INSC: variants seen among roughly 807,000 people sequenced by gnomAD.
INSC encodes INSC spindle orientation adaptor protein, also known as protein inscuteable homolog.
INSC carries 67 observed loss-of-function variants against 58.6 expected under a neutral mutation model. The ratio of observed to expected loss-of-function variants is 1.14; its 90% CI spans 0.94 to 1.40. The LOEUF (loss-of-function observed/expected upper bound fraction) is 1.40, where lower values mean the gene tolerates loss of function less well. Ranked by LOEUF, INSC falls within the 40% of genes most tolerant of loss-of-function variation. INSC has a pLI of 0.00. For synonymous variants in INSC, 262 were observed against 276.1 expected (o/e 0.95, Z 0.51); for missense variants, 714 against 692.0 (o/e 1.03, Z -0.36).
chr11:15,255,637 G>A, the INSC span, among the ~76,000 whole-genome samples: 1 of 152,146 alleles, frequency 6.6e-6, no homozygotes, highest in East Asian at 1.9e-4. Flanking sequence ...CTTTAACACA[G>A]TTTTTATTGG....
chr11:15,263,301 T>C, the INSC span, among the ~76,000 whole-genome samples: 2 of 152,104 alleles, frequency 1.3e-5, no homozygotes, highest in Non-Finnish European at 2.9e-5. Context: ...TATCTGAAGA[T>C]GTAAGGGCTC....
chr11:15,255,076 C>A, the INSC span, among the ~76,000 whole-genome samples: 4 of 152,174 alleles, frequency 2.6e-5, no homozygotes, highest in South Asian at 4.1e-4. Flanking sequence ...AAAGACTTTA[C>A]ATCTTGCCTA....
At chr11:15,268,573 T>C in the INSC span, among the ~76,000 whole-genome samples, 1 of 152,058 alleles carries the variant, frequency 6.6e-6, no homozygotes, top group African/African-American at 2.4e-5. Context: ...TTAAAACAAA[T>C]GAATTGAGAT....
In INSC at chr11:15,225,795, G is replaced by C; in HGVS notation, c.1137G>C (p.Lys379Asn). ...IRVLLEACSD[K>N]QRVDTPYTRD... Reference sequence around the variant, plus strand: ...TTCTCCTGGAAGCCTGCAGTGACAAGCAGAGAGTGGACACGCCTTACACTC... The same window carrying C: ...TTCTCCTGGAAGCCTGCAGTGACAACCAGAGAGTGGACACGCCTTACACTC... The change falls in exon 9 of 13, where the codon AAG becomes AAC. Residue 379 changes from lysine to asparagine, a missense_variant. Coordinates refer to ENST00000379556, the MANE Select transcript of INSC (RefSeq NM_001042536.3). 1.2e-6 allele frequency: 2 copies of C among 1,613,754 alleles called. No individual in the cohort carries two copies. Among genetic ancestry groups the C allele is most frequent in the Non-Finnish European group, 1.7e-6 (2 of 1,179,854 alleles).
intron 1 of INSC, among the ~76,000 whole-genome samples, chr11:15,116,837 C>CTTTA (rs1386489628): frequency 2.4e-5 from 1 of 42,460 alleles, no homozygotes; most frequent in Non-Finnish European, 4.3e-5. Flanking sequence ...TTCTTTCTTT[C>CTTTA]TTTCTTTCTT....
At chr11:15,235,175 G>A (rs1336171689) in intron 9 of INSC, 1 of 232,604 alleles carries the variant, frequency 4.3e-6, no homozygotes, top group Non-Finnish European at 8.8e-6. Flanking sequence ...CAGGAAAGAA[G>A]CTTGGATGGA....
rs138216211 is a variant in INSC at position 15,138,650 on chromosome 11, A to G, written c.-45-10480A>G. On this transcript the variant is annotated intron_variant, in intron 1 of 12. Coordinates refer to ENST00000379556, the MANE Select transcript of INSC (RefSeq NM_001042536.3). ...AGTCTGGATAGGAAATGGATCCTTCATTGCCACAAAGATGGATATCATAAA... is the reference window on the plus strand; with the variant it reads ...AGTCTGGATAGGAAATGGATCCTTCGTTGCCACAAAGATGGATATCATAAA... Among the ~76,000 whole-genome samples, 407 of 152,338 alleles carry G rather than the reference A, an allele frequency of 2.7e-3. 3 individuals carry two copies. The highest frequency in any genetic ancestry group is 8.6e-3 in the African/African-American group (357 of 41,580).
chr11:15,212,686 T>C (rs1589976090), intron 7 of INSC, among the ~76,000 whole-genome samples: 2 of 152,238 alleles, frequency 1.3e-5, no homozygotes, highest in East Asian at 3.8e-4. Context: ...AAGTTTGATA[T>C]TGTATCCAGT....
chr11:15,235,579 G>A, intron 9 of INSC, 23 bp from the exon 10 acceptor site: 1 of 1,601,844 alleles, frequency 6.2e-7, no homozygotes, highest in Non-Finnish European at 8.6e-7. Flanking sequence ...CATTTTCTGA[G>A]GTTTCTAAAT....
At chr11:15,192,280 G>A (rs574307690) in intron 6 of INSC, among the ~76,000 whole-genome samples, 2 of 152,322 alleles carry the variant, frequency 1.3e-5, no homozygotes, top group African/African-American at 4.8e-5. Context: ...AGAAAGCAGA[G>A]AAGGCACAAG....
the INSC span, among the ~76,000 whole-genome samples, chr11:15,262,237 TG>T: frequency 6.6e-6 from 1 of 151,886 alleles, no homozygotes; most frequent in Non-Finnish European, 1.5e-5. Context: ...TTGAAAACAA[TG>T]GAAAACAGTG....
In INSC at chr11:15,191,074, G is replaced by A. The variant is rs1254892171; in HGVS notation, c.693+260G>A. Among the ~76,000 whole-genome samples the A allele has an allele frequency of 1.0e-4, 15 of 150,118 alleles. No individual in the cohort carries two copies. In the East Asian group the frequency reaches 2.2e-3, roughly 22 times the overall value. On this transcript the variant is annotated intron_variant, in intron 6 of 12. Coordinates refer to ENST00000379556, the MANE Select transcript of INSC (RefSeq NM_001042536.3). ...CGGCTCACTGCAAGCTCTGCCTCCC[G>A]GGTTCACGCCATTCTCCTGCCTCAG...
At chr11:15,133,154 C>T (rs990642536) in intron 1 of INSC, among the ~76,000 whole-genome samples, 8 of 152,074 alleles carry the variant, frequency 5.3e-5, no homozygotes, top group African/African-American at 1.9e-4. Context: ...TGTTAGATCC[C>T]ATCACTCTAT....
At chr11:15,258,397 G>T in the INSC span, among the ~76,000 whole-genome samples, 1 of 152,170 alleles carries the variant, frequency 6.6e-6, no homozygotes, top group South Asian at 2.1e-4. Flanking sequence ...TTTAGAAACA[G>T]CCACTTTATT....
intron 8 of INSC, among the ~76,000 whole-genome samples, chr11:15,222,173 A>T (rs1435670364): frequency 6.6e-6 from 1 of 152,138 alleles, no homozygotes; most frequent in Non-Finnish European, 1.5e-5. Flanking sequence ...CTATTCAAAC[A>T]TATGTACCCC....
At chr11:15,177,000 C>T in intron 3 of INSC, 111 bp from the exon 4 acceptor site, 1 of 872,798 alleles carries the variant, frequency 1.1e-6, no homozygotes, top group Admixed American at 1.7e-5. Flanking sequence ...GCCTGTTCCC[C>T]AAGTCACATT....
upstream of INSC, among the ~76,000 whole-genome samples, chr11:15,113,574 C>G (rs1373330642): frequency 1.3e-5 from 2 of 152,196 alleles, no homozygotes; most frequent in Non-Finnish European, 2.9e-5. Context: ...CGGCACCAAG[C>G]CCTGTCCCCA....
intron 1 of INSC, among the ~76,000 whole-genome samples, chr11:15,141,238 T>A (rs1008454340): frequency 2.6e-5 from 4 of 152,270 alleles, no homozygotes; most frequent in African/African-American, 9.6e-5. Context: ...GATGGACATA[T>A]TTGTGTAGAT....
intron 2 of INSC, among the ~76,000 whole-genome samples, chr11:15,175,515 C>T (rs959409488): frequency 1.3e-5 from 2 of 152,152 alleles, no homozygotes; most frequent in African/African-American, 4.8e-5. Flanking sequence ...ACATAATTAC[C>T]TGTTGCTTGT....
Sources: allele counts gnomAD v4.1 joint callset (sites outside exome capture counted in the v4.1 genomes callset), GRCh38; gene constraint gnomAD v4.1.1; transcripts MANE v1.5; gene names NCBI Gene and HGNC (gene_info 2026-07-23, HGNC 2026-07-21).